The following AK8 variants were observed in gnomAD, a reference collection of about 807,000 sequenced individuals.
AK8 encodes the protein ATP-AMP transphosphorylase 8.
In AK8, 44 loss-of-function variants were observed where a neutral mutation model predicts 54.6. That is an observed-to-expected ratio of 0.81 (90% CI 0.63 to 1.04). The LOEUF is 1.04. Among genes scored for constraint, AK8 ranks in the 50% least tolerant of loss-of-function variants. AK8 has a pLI of 0.00. For missense variants in AK8, 555 were observed against 613.6 expected (o/e 0.90, Z 1.01); for synonymous variants, 239 against 245.6 (o/e 0.97, Z 0.25).
chr9:132,854,406 G>A (rs1192339948), intron 5 of AK8, among the ~76,000 whole-genome samples: 2 of 152,084 alleles, frequency 1.3e-5, no homozygotes, highest in Non-Finnish European at 2.9e-5. Context: ...TGTGCCCCAG[G>A]AGGCCGGCCT....
At chr9:132,729,879 G>A (rs998666039) in intron 11 of AK8, among the ~76,000 whole-genome samples, 3 of 152,260 alleles carry the variant, frequency 2.0e-5, no homozygotes, top group East Asian at 1.9e-4. Context: ...GCACCTCTAC[G>A]TGCGGAGAAA....
chr9:132,802,318 G>T (rs1440072160), intron 10 of AK8, among the ~76,000 whole-genome samples: 1 of 152,236 alleles, frequency 6.6e-6, no homozygotes, highest in Admixed American at 6.5e-5. Flanking sequence ...CCCAGGGCAG[G>T]GGGCGGGAGG....
At chr9:132,743,223 G>C (rs905663042) in intron 11 of AK8, among the ~76,000 whole-genome samples, 3 of 152,272 alleles carry the variant, frequency 2.0e-5, no homozygotes, top group African/African-American at 7.2e-5. Context: ...GCCCACCCAC[G>C]TGCCTCTGCT....
At chr9:132,844,310 A>G (rs1588203020) in intron 5 of AK8, among the ~76,000 whole-genome samples, 1 of 151,408 alleles carries the variant, frequency 6.6e-6, no homozygotes, top group South Asian at 2.1e-4. Context: ...AAAAAAAAAA[A>G]AAAAAAGAAA....
Position 132,770,509 on chromosome 9 carries a change from G to A in AK8, c.1121+22125C>T, listed in dbSNP as rs969372029. ...TGGAGGAGCGGGCTGGGAGCGCGGG[G>A]GATGCCCCTCGCCCTGCACGCGCGC... On this transcript the variant is annotated intron_variant, in intron 11 of 12. Transcript: ENST00000298545. This position sits in a 1 kb window ranked among gnomAD's most constrained non-coding sequence, Gnocchi z 4.3. Among the ~76,000 whole-genome samples, 2 of 152,224 alleles carry A rather than the reference G, an allele frequency of 1.3e-5. No homozygotes were observed. The highest frequency in any genetic ancestry group is 2.9e-5 in the Non-Finnish European group (2 of 68,038).
rs1043433718 is a variant in AK8, at chr9:132,837,648, C to A, written c.403-8922G>T. Among the ~76,000 whole-genome samples, 1 of 152,180 alleles carries A rather than the reference C, an allele frequency of 6.6e-6. No homozygotes were observed. The highest frequency in any genetic ancestry group is 1.5e-5 in the Non-Finnish European group (1 of 68,040). The stretch of plus-strand genomic sequence containing the variant: ...GGCATCACACATCCACAGAGCATAT[C>A]GGAACACGCGTTCCTGTCCACATGG... On this transcript the variant is annotated intron_variant, in intron 5 of 12. Coordinates refer to ENST00000298545, the MANE Select transcript of AK8 (RefSeq NM_152572.3). The surrounding 1 kb of genome is among the most constrained non-coding windows in gnomAD (Gnocchi z 4.3).
intron 1 of AK8, among the ~76,000 whole-genome samples, chr9:132,875,683 G>A (rs532215391): frequency 6.6e-6 from 1 of 152,228 alleles, no homozygotes; most frequent in Non-Finnish European, 1.5e-5. Context: ...TCCTGCACCT[G>A]CCTGCGGGCA....
chr9:132,844,780 T>G (rs904667175), intron 5 of AK8, among the ~76,000 whole-genome samples: 5 of 152,164 alleles, frequency 3.3e-5, no homozygotes, highest in African/African-American at 1.2e-4. Context: ...CTAGAAGGGA[T>G]TTCCATGCTC....
At chr9:132,748,927 T>G (rs556401207) in intron 11 of AK8, among the ~76,000 whole-genome samples, 1 of 152,034 alleles carries the variant, frequency 6.6e-6, no homozygotes, top group African/African-American at 2.4e-5. Context: ...CAGGCTGGAG[T>G]GCAATGGCGC....
intron 9 of AK8, among the ~76,000 whole-genome samples, chr9:132,818,384 T>C (rs113589725): frequency 0.016 from 2,388 of 152,252 alleles, 73 homozygotes; most frequent in African/African-American, 0.055. Flanking sequence ...CAATATATTG[T>C]AGGGTTTATA....
intron 8 of AK8, among the ~76,000 whole-genome samples, chr9:132,824,383 C>T (rs1047130991): frequency 3.3e-5 from 5 of 152,212 alleles, no homozygotes; most frequent in African/African-American, 1.2e-4. Context: ...TGCCAGTCTG[C>T]CTTTACCAAT....
chr9:132,812,568 G>GTGCCCA (rs1841110876), intron 10 of AK8, among the ~76,000 whole-genome samples: 2 of 141,084 alleles, frequency 1.4e-5, no homozygotes, highest in African/African-American at 2.6e-5. Flanking sequence ...GCGCCCGGCC[G>GTGCCCA]CTAGGTGGAT....
At chr9:132,838,943 A>T in intron 5 of AK8, among the ~76,000 whole-genome samples, 1 of 152,068 alleles carries the variant, frequency 6.6e-6, no homozygotes, top group Non-Finnish European at 1.5e-5. Context: ...GTACCTTATT[A>T]TTTTTTTATT....
At chr9:132,862,869 G>A (rs1588229620) in intron 4 of AK8, among the ~76,000 whole-genome samples, 2 of 152,092 alleles carry the variant, frequency 1.3e-5, no homozygotes, top group South Asian at 2.1e-4. Context: ...TGGTGGTCAC[G>A]AGTGGCTGGG....
chr9:132,827,626 T>C (rs1402877985), intron 7 of AK8, among the ~76,000 whole-genome samples: 1 of 152,018 alleles, frequency 6.6e-6, no homozygotes, highest in Non-Finnish European at 1.5e-5. Context: ...TTCTCCCAGG[T>C]AATGCTCATG....
intron 11 of AK8, among the ~76,000 whole-genome samples, chr9:132,762,261 T>A (rs1296763235): frequency 6.6e-6 from 1 of 152,214 alleles, no homozygotes; most frequent in East Asian, 1.9e-4. Flanking sequence ...CCAAGCTCTG[T>A]TAACTATTCC....
At chr9:132,776,921 G>A (rs980057633) in intron 11 of AK8, among the ~76,000 whole-genome samples, 5 of 152,190 alleles carry the variant, frequency 3.3e-5, no homozygotes, top group African/African-American at 1.2e-4. Context: ...GACAACCTGG[G>A]ACAGCCTCTG....
chr9:132,820,196 G>A (rs1588168753), intron 9 of AK8, among the ~76,000 whole-genome samples: 12 of 116,412 alleles, frequency 1.0e-4, no homozygotes, highest in Non-Finnish European at 1.1e-4. Context: ...AGGAAGGAAA[G>A]AATTCATGCT....
At chr9:132,863,878 G>A (rs1843487560) in intron 3 of AK8, 100 bp from the exon 4 acceptor site, 4 of 923,356 alleles carry the variant, frequency 4.3e-6, no homozygotes, top group Middle Eastern at 3.2e-4. Context: ...TATGGGAAAA[G>A]GTTGGCCATG....
Sources: allele counts gnomAD v4.1 joint callset (sites outside exome capture counted in the v4.1 genomes callset), GRCh38; gene constraint gnomAD v4.1.1; non-coding constraint Gnocchi (gnomAD v3.1); transcripts MANE v1.5; gene names NCBI Gene and HGNC (gene_info 2026-07-23, HGNC 2026-07-21).